DUSP5: variants seen among roughly 807,000 people sequenced by gnomAD.
DUSP5 encodes dual specificity phosphatase 5.
DUSP5 carries 22 observed loss-of-function variants against 33.6 expected under a neutral mutation model. The ratio of observed to expected loss-of-function variants is 0.66; its 90% CI spans 0.47 to 0.94. The LOEUF (loss-of-function observed/expected upper bound fraction) is 0.94, where lower values mean the gene tolerates loss of function less well. Among genes scored for constraint, DUSP5 ranks in the 40% least tolerant of loss-of-function variants. The probability of loss-of-function intolerance (pLI) is 0.00; values close to 1 mark genes in which losing one functional copy is unlikely to be tolerated. For synonymous variants in DUSP5, 270 were observed against 231.1 expected, an observed-to-expected ratio of 1.17 and a Z score of -1.53; for missense variants, 551 against 522.1, an observed-to-expected ratio of 1.06 and a Z score of -0.54.
At chr10:110,507,843 G>T (rs1860136959) in intron 3 of DUSP5, among the ~76,000 whole-genome samples, 1 of 152,208 alleles carries the variant, frequency 6.6e-6, no homozygotes, top group Non-Finnish European at 1.5e-5. Flanking sequence ...GTGTTGCCTG[G>T]ATTGTTCTCC....
Position 110,498,313 on chromosome 10 carries a change from C to T in DUSP5, c.192C>T (p.Tyr64=), listed in dbSNP as rs761226631. The stretch of plus-strand genomic sequence containing the variant: ...GGGGCGGCGCGGTGTCGGCGCGCTA[C>T]GTGCTGCCCGACGAGGCGGCGCGCG... ...RARGGAVSAR[Y]VLPDEAARAR... Residue 64 remains tyrosine, a synonymous_variant, in exon 1 of 4, where the codon TAC becomes TAT. Transcript: ENST00000369583. The T allele has an allele frequency of 4.3e-6, 6 of 1,388,982 alleles. No individual in the cohort carries two copies. Among genetic ancestry groups the T allele is most frequent in the Non-Finnish European group, 5.6e-6 (6 of 1,073,554 alleles). 86.0% of individuals were successfully genotyped at this position (1,388,982 alleles called of 1,614,324 possible). A position where few individuals can be genotyped will look rare whatever the true frequency, so the allele number is the denominator to read the frequency against.
At chr10:110,505,815 G>A (rs192248445) in intron 2 of DUSP5, among the ~76,000 whole-genome samples, 12 of 152,188 alleles carry the variant, frequency 7.9e-5, no homozygotes, top group African/African-American at 2.9e-4. Flanking sequence ...TCTAACCAGC[G>A]GTTCATTTTA....
intron 1 of DUSP5, among the ~76,000 whole-genome samples, chr10:110,499,621 C>G (rs942975003): frequency 6.6e-6 from 1 of 152,306 alleles, no homozygotes; most frequent in Admixed American, 6.5e-5. Context: ...ATTCTGGAGA[C>G]AGTTCCCCTC....
At chr10:110,508,346 A>C (rs1860144746) in intron 3 of DUSP5, among the ~76,000 whole-genome samples, 1 of 152,050 alleles carries the variant, frequency 6.6e-6, no homozygotes, top group South Asian at 2.1e-4. Flanking sequence ...CCTGTTATTT[A>C]ATTACCTGGG....
In DUSP5 at chr10:110,510,792, C is replaced by G. The variant is rs1462598677; in HGVS notation, c.*366C>G. Reference sequence around the variant, plus strand: ...GAAGTTGCTGGACCAGGAGAAAAGGCAGTTATGAAGCCAATTCATTTTGAA... The same window carrying G: ...GAAGTTGCTGGACCAGGAGAAAAGGGAGTTATGAAGCCAATTCATTTTGAA... On this transcript the variant is annotated 3_prime_UTR_variant, in exon 4 of 4. Transcript: ENST00000369583. The G allele has an allele frequency of 2.5e-5, 5 of 201,184 alleles. No homozygotes were observed. The highest frequency in any genetic ancestry group is 5.0e-5 in the Non-Finnish European group (5 of 100,206). The allele number at this position is 201,184 out of a possible 1,614,324, so 12.5% of individuals were successfully genotyped here.
At chr10:110,500,284 T>C (rs1208230910) in intron 1 of DUSP5, among the ~76,000 whole-genome samples, 1 of 152,198 alleles carries the variant, frequency 6.6e-6, no homozygotes, top group African/African-American at 2.4e-5. Context: ...GACCATTAGG[T>C]TGCGTCCCGC....
At chr10:110,502,660 T>G in intron 1 of DUSP5, 61 bp from the exon 2 acceptor site, 1 of 1,582,380 alleles carries the variant, frequency 6.3e-7, no homozygotes, top group Non-Finnish European at 8.6e-7. Flanking sequence ...CTATGGGTAT[T>G]TTTGACAGCG....
At chr10:110,505,222 A>T (rs1194882562) in intron 2 of DUSP5, among the ~76,000 whole-genome samples, 1 of 152,216 alleles carries the variant, frequency 6.6e-6, no homozygotes, top group Non-Finnish European at 1.5e-5. Context: ...CTACGCAATC[A>T]GTTTTGGGTT....
At chr10:110,503,029 T>C (rs1860075590) in intron 2 of DUSP5, among the ~76,000 whole-genome samples, 160 bp downstream of exon 2, 2 of 152,230 alleles carry the variant, frequency 1.3e-5, no homozygotes, top group African/African-American at 4.8e-5. Context: ...AGGGAGCTTC[T>C]GTTGCTTGCC....
intron 2 of DUSP5, among the ~76,000 whole-genome samples, chr10:110,505,429 G>A (rs761793232): frequency 8.5e-5 from 13 of 152,220 alleles, no homozygotes; most frequent in Non-Finnish European, 1.8e-4. Flanking sequence ...AATACCAGTT[G>A]TTATTACCGT....
chr10:110,504,886 C>T (rs1479506599), intron 2 of DUSP5, among the ~76,000 whole-genome samples: 2 of 152,176 alleles, frequency 1.3e-5, no homozygotes, highest in Admixed American at 6.5e-5. Context: ...GTATTATCCC[C>T]AGTTTAGAGA....
At position 110,507,090 on chromosome 10, in the gene DUSP5, C is replaced by T; in HGVS notation, c.684C>T (p.Ile228=). The T allele has an allele frequency of 3.7e-6, 6 of 1,614,210 alleles. No individual in the cohort carries two copies. The highest frequency in any genetic ancestry group is 1.1e-5 in the South Asian group (1 of 91,086). The change falls in exon 3 of 4, where the codon ATC becomes ATT. Residue 228 remains isoleucine, a synonymous_variant. Coordinates refer to ENST00000369583, the MANE Select transcript of DUSP5 (RefSeq NM_004419.4). ...ACATHLHYKW[I]PVEDSHTADI... is the part of the protein sequence containing the mutation. ...CGACCCACCTACACTACAAATGGAT[C>T]CCTGTGGAAGACAGCCACACGGCTG...
At chr10:110,503,794 A>G (rs931991207) in intron 2 of DUSP5, among the ~76,000 whole-genome samples, 5 of 152,238 alleles carry the variant, frequency 3.3e-5, no homozygotes, top group Non-Finnish European at 5.9e-5. Flanking sequence ...TGTTTTCCAC[A>G]TGGCCTCTAA....
Position 110,498,149 on chromosome 10 carries a change from C to T in DUSP5, c.28C>T (p.Gln10Ter). 2.7e-6 allele frequency: 4 copies of T among 1,462,006 alleles called. No homozygotes were observed. Among genetic ancestry groups the T allele is most frequent in the Non-Finnish European group, 3.6e-6 (4 of 1,102,634 alleles). 90.6% of individuals were successfully genotyped at this position (1,462,006 alleles called of 1,614,324 possible). Residue 10 changes from glutamine to a stop codon, truncating the protein, a stop_gained, in exon 1 of 4, where the codon CAG (glutamine) becomes TAG (stop). Transcript: ENST00000369583. LOFTEE classifies it high-confidence loss of function. MKVTSLDGR[Q>*]LRKMLRKEAA... ...GAAGGTCACGTCGCTCGACGGGCGC[C>T]AGCTGCGCAAGATGCTCCGCAAGGA...
intron 1 of DUSP5, among the ~76,000 whole-genome samples, chr10:110,502,331 T>A (rs1860063064): frequency 6.6e-6 from 1 of 152,222 alleles, no homozygotes; most frequent in Non-Finnish European, 1.5e-5. Context: ...CAGGAGCCTG[T>A]CTTCTCGCCA....
At chr10:110,508,557 A>G (rs1590519536) in intron 3 of DUSP5, among the ~76,000 whole-genome samples, 1 of 152,148 alleles carries the variant, frequency 6.6e-6, no homozygotes, top group Non-Finnish European at 1.5e-5. Flanking sequence ...TGTGCTGAAT[A>G]TATGCTGACC....
Position 110,502,729 on chromosome 10 carries a change from G to A in DUSP5, c.388G>A (p.Glu130Lys). 6.2e-7 allele frequency: 1 copy of A among 1,613,742 alleles called. No homozygotes were observed. Among genetic ancestry groups the A allele is most frequent in the Non-Finnish European group, 8.5e-7 (1 of 1,179,778 alleles). ...TTTGTTTGTTTTTGTAGGGGGATAT[G>A]AGACTTTCTACTCGGAATATCCTGA... is the stretch of plus-strand genomic sequence containing the variant. ...PRVYFLKGGY[E>K]TFYSEYPECC... The change falls in exon 2 of 4, where the codon GAG becomes AAG. Residue 130 changes from glutamate to lysine, a missense_variant. Glu to Lys is a moderately conservative substitution (Grantham distance 56). Around this residue, in one of 3 missense-constraint regions of DUSP5, gnomAD observed 381 missense variants for 310.4 expected, o/e 1.23. Coordinates refer to ENST00000369583, the MANE Select transcript of DUSP5 (RefSeq NM_004419.4).
chr10:110,504,966 A>T (rs1279057324), intron 2 of DUSP5, among the ~76,000 whole-genome samples: 1 of 152,228 alleles, frequency 6.6e-6, no homozygotes, highest in Non-Finnish European at 1.5e-5. Context: ...CTGGAACTTA[A>T]CCAAGAGCTC....
At position 110,510,031 on chromosome 10, in the gene DUSP5, G is replaced by A. The variant is rs1860166891; in HGVS notation, c.760G>A (p.Glu254Lys). Residue 254 changes from glutamate (E) to lysine (K), a missense_variant, in exon 4 of 4, where the codon GAA (glutamate) becomes AAA (lysine). Around this residue, in one of 3 missense-constraint regions of DUSP5, gnomAD observed 158 missense variants for 181.8 expected, o/e 0.87. Transcript: ENST00000369583. ...EAIDFIDCVR[E>K]KGGKVLVHCE... ...TTTCTTCCTTCCAGACTGTGTCAGG[G>A]AAAAGGGAGGCAAGGTCCTGGTCCA... 6.3e-7 allele frequency: 1 copy of A among 1,598,140 alleles called. No individual in the cohort carries two copies. The highest frequency in any genetic ancestry group is 8.6e-7 in the Non-Finnish European group (1 of 1,168,632).
Sources: allele counts gnomAD v4.1 joint callset (sites outside exome capture counted in the v4.1 genomes callset), GRCh38; gene constraint gnomAD v4.1.1; regional missense constraint gnomAD v4.1.1; transcripts MANE v1.5; gene names NCBI Gene and HGNC (gene_info 2026-07-23, HGNC 2026-07-21).